Variants in DPP10 observed in about 807,000 individuals in gnomAD.
DPP10 encodes inactive dipeptidyl peptidase 10.
Under a neutral mutation model 120.9 loss-of-function variants are expected in DPP10, and 33 were observed. The ratio of observed to expected loss-of-function variants is 0.27; its 90% CI spans 0.21 to 0.37. The LOEUF (loss-of-function observed/expected upper bound fraction) is 0.37, where lower values mean the gene tolerates loss of function less well. DPP10 is among the 10% of genes least tolerant of loss of function. DPP10 has a pLI of 1.00. For missense variants in DPP10, 816 were observed against 942.8 expected, an observed-to-expected ratio of 0.87 and a Z score of 1.76; for synonymous variants, 337 against 326.1, an observed-to-expected ratio of 1.03 and a Z score of -0.36.
At chr2:114,908,393 A>T (rs1278043884) in intron 1 of DPP10, among the ~76,000 whole-genome samples, 2 of 151,756 alleles carry the variant, frequency 1.3e-5, no homozygotes, top group Non-Finnish European at 3.0e-5. Context: ...CTGTTCCCCC[A>T]TACTATTTTT....
intron 1 of DPP10, among the ~76,000 whole-genome samples, chr2:115,227,568 G>A (rs1362068958): frequency 3.3e-5 from 5 of 152,114 alleles, no homozygotes; most frequent in Non-Finnish European, 5.9e-5. Context: ...CCCCACTTTA[G>A]TCACCTTTCC....
At chr2:114,537,886 G>A (rs1686640363) in intron 1 of DPP10, among the ~76,000 whole-genome samples, 1 of 152,210 alleles carries the variant, frequency 6.6e-6, no homozygotes, top group African/African-American at 2.4e-5. Flanking sequence ...TGCCCAGGAT[G>A]TGGAGAAAGC....
chr2:115,311,533 G>T (rs1048279937), intron 2 of DPP10, among the ~76,000 whole-genome samples: 1 of 152,164 alleles, frequency 6.6e-6, no homozygotes, highest in African/African-American at 2.4e-5. Flanking sequence ...GTCTCCTGGG[G>T]TCAAATTATT....
chr2:115,004,520 G>A (rs534842845), intron 1 of DPP10, among the ~76,000 whole-genome samples: 130 of 152,268 alleles, frequency 8.5e-4, no homozygotes, highest in African/African-American at 2.0e-3. Context: ...TGCACCGTGC[G>A]CGAGCCAAAG....
chr2:115,511,468 A>G (rs13016114), intron 4 of DPP10, among the ~76,000 whole-genome samples: 31,630 of 151,656 alleles, frequency 0.21, 3,861 homozygotes, highest in East Asian at 0.39. Flanking sequence ...TTTCTCATCC[A>G]TCTATCTAGA....
rs941284874 is a variant in DPP10, at chr2:115,352,324, A to G, written c.271+8412A>G. 2.0e-5 allele frequency among the ~76,000 whole-genome samples: 3 copies of G among 152,320 alleles called. No individual in the cohort carries two copies. In the East Asian group the frequency reaches 5.8e-4, roughly 29 times the overall value. The stretch of plus-strand genomic sequence containing the variant: ...GTTCAGAGTTCATCAACAAGCATTT[A>G]TTGAGCTTCATATATGTGCTCTGCA... On this transcript the variant is annotated intron_variant, in intron 3 of 25. Transcript: ENST00000410059.
intron 2 of DPP10, among the ~76,000 whole-genome samples, chr2:115,317,090 T>C (rs2061831227): frequency 6.6e-6 from 1 of 152,180 alleles, no homozygotes; most frequent in African/African-American, 2.4e-5. Flanking sequence ...CATGACTCTG[T>C]CCAAAACAGT....
Position 114,501,933 on chromosome 2 carries a change from C to CTTTTTTTTTTTTT in DPP10, c.60+59103_60+59115dup, listed in dbSNP as rs34369425. 2.1e-5 allele frequency among the ~76,000 whole-genome samples: 2 copies of CTTTTTTTTTTTTT among 94,050 alleles called. 1 individual carries two copies. Among genetic ancestry groups the CTTTTTTTTTTTTT allele is most frequent in the African/African-American group, 7.3e-5 (2 of 27,228 alleles). The allele number at this position is 94,050 out of a possible 152,430, so 61.7% of individuals were successfully genotyped here. A position where few individuals can be genotyped will look rare whatever the true frequency, so the allele number is the denominator to read the frequency against. On this transcript the variant is annotated intron_variant, in intron 1 of 25. Transcript: ENST00000410059. ...TGAGAAAAAACGAAGATTGATATTC[C>CTTTTTTTTTTTTT]TTTTTTTTTTTTTTTTTTTTGAGAC...
At chr2:115,567,073 A>C (rs1054781708) in intron 5 of DPP10, among the ~76,000 whole-genome samples, 1 of 152,128 alleles carries the variant, frequency 6.6e-6, no homozygotes, top group East Asian at 1.9e-4. Flanking sequence ...AATTTACTTT[A>C]ATCAGAGAGT....
chr2:114,671,417 G>T (rs141049588), intron 1 of DPP10, among the ~76,000 whole-genome samples: 4 of 152,214 alleles, frequency 2.6e-5, no homozygotes, highest in Non-Finnish European at 5.9e-5. Flanking sequence ...TGGAGGTGAG[G>T]CCAGTGAGAG....
chr2:114,765,369 C>G (rs1422306636), intron 1 of DPP10, among the ~76,000 whole-genome samples: 1 of 152,102 alleles, frequency 6.6e-6, no homozygotes, highest in African/African-American at 2.4e-5. Flanking sequence ...TGATATATCC[C>G]AAAGAGGTTA....
At chr2:114,696,723 G>A (rs1221689072) in intron 1 of DPP10, among the ~76,000 whole-genome samples, 5 of 148,976 alleles carry the variant, frequency 3.4e-5, no homozygotes, top group Non-Finnish European at 5.9e-5. Context: ...TAAACTCTGC[G>A]TGTGTGTGTG....
chr2:114,738,720 A>ACTAAGATG (rs1339077487), intron 1 of DPP10, among the ~76,000 whole-genome samples: 11 of 152,314 alleles, frequency 7.2e-5, no homozygotes, highest in African/African-American at 2.6e-4. Flanking sequence ...ATGGAAAAGG[A>ACTAAGATG]GAATAGTAAC....
At chr2:115,187,165 T>C (rs1315883830) in intron 1 of DPP10, among the ~76,000 whole-genome samples, 2 of 148,504 alleles carry the variant, frequency 1.3e-5, no homozygotes, top group African/African-American at 2.5e-5. Flanking sequence ...GCCTCCTGAG[T>C]AGCTGCGACT....
chr2:115,178,046 T>C (rs2053825770), intron 1 of DPP10, among the ~76,000 whole-genome samples: 1 of 152,162 alleles, frequency 6.6e-6, no homozygotes, highest in Non-Finnish European at 1.5e-5. Flanking sequence ...TTTTTTTTGA[T>C]AAAAACCTTG....
intron 5 of DPP10, among the ~76,000 whole-genome samples, chr2:115,581,446 A>C (rs1310154700): frequency 6.6e-6 from 1 of 152,156 alleles, no homozygotes; most frequent in Non-Finnish European, 1.5e-5. Flanking sequence ...TACAGCAAAA[A>C]TGTGGTTGTA....
intron 1 of DPP10, among the ~76,000 whole-genome samples, chr2:114,455,720 AATTC>A (rs1001974782): frequency 8.7e-6 from 1 of 114,332 alleles, no homozygotes; most frequent in Non-Finnish European, 1.7e-5. Flanking sequence ...CATACCCACA[AATTC>A]ATTTGTTTTT....
intron 3 of DPP10, among the ~76,000 whole-genome samples, chr2:115,477,549 C>T (rs1454615513): frequency 6.6e-6 from 1 of 152,036 alleles, no homozygotes; most frequent in Non-Finnish European, 1.5e-5. Flanking sequence ...GATTGAGAGA[C>T]AGTATTGTTA....
At chr2:114,741,236 C>G (rs997227527) in intron 1 of DPP10, among the ~76,000 whole-genome samples, 1 of 152,162 alleles carries the variant, frequency 6.6e-6, no homozygotes, top group African/African-American at 2.4e-5. Flanking sequence ...CCTTTCTGTA[C>G]CTTATCCCAG....
Sources: allele counts gnomAD v4.1 joint callset (sites outside exome capture counted in the v4.1 genomes callset), GRCh38; gene constraint gnomAD v4.1.1; transcripts MANE v1.5; gene names NCBI Gene and HGNC (gene_info 2026-07-23, HGNC 2026-07-21).